AKAP13: variants seen among roughly 807,000 people sequenced by gnomAD.
AKAP13 encodes the protein A-kinase anchor protein 13.
In AKAP13, 80 loss-of-function variants were observed where a neutral mutation model predicts 264.5. The ratio of observed to expected loss-of-function variants is 0.30; its 90% CI spans 0.25 to 0.36. The LOEUF (loss-of-function observed/expected upper bound fraction) is 0.36. Ranked by LOEUF, AKAP13 falls within the 10% of genes least tolerant of loss-of-function variation. The pLI is 1.00. For missense variants in AKAP13, 3,712 were observed against 3,435.2 expected, an observed-to-expected ratio of 1.08 and a Z score of -2.01; for synonymous variants, 1,380 against 1,250.2, an observed-to-expected ratio of 1.10 and a Z score of -2.19.
chr15:85,617,293 G>A (rs796265137), intron 8 of AKAP13, among the ~76,000 whole-genome samples: 11 of 152,282 alleles, frequency 7.2e-5, no homozygotes, highest in African/African-American at 2.4e-4. Context: ...TGCCAGGCTC[G>A]AGTGCAGTGG....
intron 2 of AKAP13, among the ~76,000 whole-genome samples, chr15:85,511,073 G>A (rs1030180446): frequency 6.6e-6 from 1 of 152,128 alleles, no homozygotes; most frequent in Admixed American, 6.5e-5. Context: ...TTCTGAGTTT[G>A]TTGCTTTTCT....
chr15:85,456,588 C>G (rs1358509223), intron 1 of AKAP13, among the ~76,000 whole-genome samples: 1 of 141,230 alleles, frequency 7.1e-6, no homozygotes, highest in Admixed American at 7.3e-5. Context: ...CTTGCTCTGT[C>G]GCCCGGGCTG....
At chr15:85,459,265 A>T (rs1310566081) in intron 1 of AKAP13, among the ~76,000 whole-genome samples, 1 of 151,854 alleles carries the variant, frequency 6.6e-6, no homozygotes, top group Non-Finnish European at 1.5e-5. Context: ...GGCTCACTGC[A>T]ACCTCTGCCT....
chr15:85,403,182 C>G (rs1327665405), intron 1 of AKAP13, among the ~76,000 whole-genome samples: 2 of 151,798 alleles, frequency 1.3e-5, no homozygotes, highest in Non-Finnish European at 2.9e-5. Context: ...GAAATTATTC[C>G]TAAAAGAATA....
chr15:85,672,164 A>T (rs1354488718), intron 14 of AKAP13, among the ~76,000 whole-genome samples: 5 of 152,200 alleles, frequency 3.3e-5, no homozygotes, highest in African/African-American at 1.2e-4. Flanking sequence ...AGCTTCAAGC[A>T]AGAGTTTATT....
intron 3 of AKAP13, among the ~76,000 whole-genome samples, chr15:85,533,219 T>G (rs151088444): frequency 1.3e-5 from 2 of 152,196 alleles, no homozygotes; most frequent in African/African-American, 2.4e-5. Flanking sequence ...TATTGGACTT[T>G]CCATCATATG....
intron 21 of AKAP13, 91 bp downstream of exon 21, chr15:85,717,493 A>C (rs1597160120): frequency 6.7e-5 from 58 of 865,606 alleles, no homozygotes; most frequent in Admixed American, 2.8e-5. Context: ...GAGTGACAGT[A>C]CCTGCCTCTT....
At chr15:85,625,954 C>T (rs1021543683) in intron 8 of AKAP13, among the ~76,000 whole-genome samples, 5 of 152,234 alleles carry the variant, frequency 3.3e-5, no homozygotes, top group African/African-American at 1.2e-4. Flanking sequence ...ATCAACTTTA[C>T]ATCTCTTAAG....
intron 1 of AKAP13, among the ~76,000 whole-genome samples, chr15:85,399,127 T>C (rs1325391018): frequency 6.6e-6 from 1 of 152,228 alleles, no homozygotes; most frequent in Non-Finnish European, 1.5e-5. Flanking sequence ...GCTTTTGTCA[T>C]TTATACTTCT....
At chr15:85,449,999 C>G (rs2074027195) in intron 1 of AKAP13, among the ~76,000 whole-genome samples, 1 of 152,060 alleles carries the variant, frequency 6.6e-6, no homozygotes, top group Non-Finnish European at 1.5e-5. Context: ...ATGGTACCAG[C>G]TCTTCTTTGT....
Position 85,580,517 on chromosome 15 carries a change from G to A in AKAP13, c.2449G>A (p.Glu817Lys), listed in dbSNP as rs770820414. The A allele has an allele frequency of 6.2e-7, 1 of 1,614,180 alleles. No homozygotes were observed. The highest frequency in any genetic ancestry group is 8.5e-7 in the Non-Finnish European group (1 of 1,180,034). The change falls in exon 7 of 37, where the codon GAA becomes AAA. Residue 817 changes from glutamate to lysine, a missense_variant. Around this residue, in one of 3 missense-constraint regions of AKAP13, gnomAD observed 2,759 missense variants for 2,411.7 expected, o/e 1.14. Coordinates refer to ENST00000394518, the MANE Select transcript of AKAP13 (RefSeq NM_007200.5). The part of the protein sequence containing the change: ...SQKEKGTATP[E>K]LHTATDYRDG... Reference sequence around the variant, plus strand: ...GAAAGAAAAGGGAACAGCAACTCCTGAACTACATACAGCTACAGATTATAG... The same window carrying A: ...GAAAGAAAAGGGAACAGCAACTCCTAAACTACATACAGCTACAGATTATAG...
rs1463388487 is a variant in AKAP13 at position 85,735,107 on chromosome 15, G to T, written c.7398G>T (p.Glu2466Asp). Residue 2466 changes from glutamate to aspartate, a missense_variant, in exon 31 of 37, where the codon GAG (glutamate) becomes GAT (aspartate). By Grantham distance (45) the Glu-to-Asp change is conservative. Coordinates refer to ENST00000394518, the MANE Select transcript of AKAP13 (RefSeq NM_007200.5). Reference sequence around the variant, plus strand: ...CCGTTTCCCTGCCCCGGAGAGCAGAGACCTTTGGAGGATTTGACAGCCATC... The same window carrying T: ...CCGTTTCCCTGCCCCGGAGAGCAGATACCTTTGGAGGATTTGACAGCCATC... Reference protein sequence around the residue: ...VGPVSLPRRAETFGGFDSHQM... With the variant: ...VGPVSLPRRADTFGGFDSHQM... 6.2e-7 allele frequency: 1 copy of T among 1,614,204 alleles called. No homozygotes were observed.
intron 3 of AKAP13, among the ~76,000 whole-genome samples, chr15:85,526,271 T>G (rs1370756288): frequency 2.0e-5 from 3 of 152,218 alleles, no homozygotes; most frequent in Non-Finnish European, 2.9e-5. Flanking sequence ...TTTTTTTGTT[T>G]TGTTTTGAGA....
At chr15:85,389,181 T>C (rs576657267) in intron 1 of AKAP13, among the ~76,000 whole-genome samples, 2 of 152,328 alleles carry the variant, frequency 1.3e-5, no homozygotes, top group South Asian at 4.1e-4. Flanking sequence ...GTGAGACTCA[T>C]GGGGCCTCTA....
chr15:85,552,090 A>C (rs2077977745), intron 5 of AKAP13, among the ~76,000 whole-genome samples: 1 of 152,258 alleles, frequency 6.6e-6, no homozygotes, highest in Non-Finnish European at 1.5e-5. Context: ...GCATAGAATG[A>C]AGTTACGCGA....
chr15:85,747,243 C>T lies in AKAP13; in HGVS notation c.*2566C>T, dbSNP rs1196633503. 4 of 152,266 alleles carry T rather than the reference C, an allele frequency of 2.6e-5. No homozygotes were observed. Among genetic ancestry groups the T allele is most frequent in the Non-Finnish European group, 5.9e-5 (4 of 68,066 alleles). 9.4% of individuals were successfully genotyped at this position (152,266 alleles called of 1,614,324 possible). ...ATACCTTTGTCATCTCTCTTCCCCC[C>T]TTGGAAGTTGTCCTCAGGGGGATTT... On this transcript the variant is annotated 3_prime_UTR_variant, in exon 37 of 37. Coordinates refer to ENST00000394518, the MANE Select transcript of AKAP13 (RefSeq NM_007200.5).
At chr15:85,694,665 C>T (rs753266631) in intron 17 of AKAP13, among the ~76,000 whole-genome samples, 25 of 152,222 alleles carry the variant, frequency 1.6e-4, no homozygotes, top group Non-Finnish European at 2.9e-4. Flanking sequence ...TTTGTCAGTG[C>T]ACAGATCAAA....
At chr15:85,633,616 T>A (rs2081954560) in intron 8 of AKAP13, among the ~76,000 whole-genome samples, 2 of 149,580 alleles carry the variant, frequency 1.3e-5, no homozygotes, top group South Asian at 4.3e-4. Flanking sequence ...CAATCTCGGC[T>A]TACTGCAAGC....
chr15:85,551,368 C>G (rs536794188), intron 5 of AKAP13, among the ~76,000 whole-genome samples: 1 of 152,296 alleles, frequency 6.6e-6, no homozygotes, highest in East Asian at 1.9e-4. Flanking sequence ...ATTCTCATAT[C>G]TTTATCCTCT....
Sources: gnomAD v4.1 joint callset for allele counts (sites outside exome capture counted in the v4.1 genomes callset) on GRCh38, gnomAD v4.1.1 for gene constraint, gnomAD v4.1.1 regional missense constraint, MANE v1.5 for transcripts, NCBI Gene and HGNC (gene_info 2026-07-23, HGNC 2026-07-21) for gene names.